Variants in CLDN10 observed in about 807,000 individuals in gnomAD.
CLDN10 encodes the protein claudin-10.
CLDN10 carries 15 observed loss-of-function variants against 22.9 expected under a neutral mutation model. The observed-to-expected ratio is 0.65, with a 90% confidence interval of 0.44 to 1.01. The LOEUF (loss-of-function observed/expected upper bound fraction) is 1.01, where lower values mean the gene tolerates loss of function less well. Among genes scored for constraint, CLDN10 ranks in the 50% least tolerant of loss-of-function variants. The probability of loss-of-function intolerance (pLI) is 0.00; values close to 1 mark genes in which losing one functional copy is unlikely to be tolerated. For synonymous variants in CLDN10, 114 were observed against 111.4 expected (o/e 1.02, Z -0.15); for missense variants, 247 against 287.8 (o/e 0.86, Z 1.03).
chr13:95,541,026 T>C (rs1174003701), intron 1 of CLDN10, among the ~76,000 whole-genome samples: 1 of 152,252 alleles, frequency 6.6e-6, no homozygotes, highest in East Asian at 1.9e-4. Flanking sequence ...CGTGGCCCAG[T>C]GGCCCAGGGC....
chr13:95,553,090 C>G lies in CLDN10; in HGVS notation c.220+117C>G. The G allele has an allele frequency of 2.2e-6, 3 of 1,364,798 alleles. No individual in the cohort carries two copies. In the East Asian group the frequency reaches 7.5e-5, roughly 34 times the overall value. 84.5% of individuals were successfully genotyped at this position (1,364,798 alleles called of 1,614,324 possible). A position where few individuals can be genotyped will look rare whatever the true frequency, so the allele number is the denominator to read the frequency against. On this transcript the variant is annotated intron_variant, in intron 1 of 4. Coordinates refer to ENST00000299339, the MANE Select transcript of CLDN10 (RefSeq NM_006984.5). ...CCCTAGACTGGACTCCTCTGAGGCC[C>G]GACCCGTCTCTCCCAACAGGGCCTT...
chr13:95,489,621 T>C (rs2042847732), intron 1 of CLDN10, among the ~76,000 whole-genome samples: 2 of 152,224 alleles, frequency 1.3e-5, no homozygotes, highest in Non-Finnish European at 2.9e-5. Context: ...ATATTAGTCC[T>C]TTGTCAGATG....
intron 1 of CLDN10, among the ~76,000 whole-genome samples, chr13:95,487,667 T>C (rs2042818781): frequency 6.6e-6 from 1 of 152,190 alleles, no homozygotes; most frequent in Admixed American, 6.5e-5. Context: ...CCTATGGTTC[T>C]AAGTTTTTCT....
chr13:95,453,869 C>T (rs1195384657), intron 1 of CLDN10, among the ~76,000 whole-genome samples: 2 of 152,120 alleles, frequency 1.3e-5, no homozygotes, highest in African/African-American at 4.8e-5. Flanking sequence ...AATCCCAGCA[C>T]TCTGGGAGGC....
intron 1 of CLDN10, among the ~76,000 whole-genome samples, chr13:95,546,298 GCTGGCACATTGAAA>G (rs2043508727): frequency 6.6e-6 from 1 of 152,060 alleles, no homozygotes; most frequent in Non-Finnish European, 1.5e-5. Flanking sequence ...CTAGAACTGA[GCTGGCACATTGAAA>G]CCTCACCTCC....
intron 1 of CLDN10, among the ~76,000 whole-genome samples, chr13:95,458,487 G>A (rs968156281): frequency 2.0e-5 from 3 of 152,324 alleles, no homozygotes; most frequent in Admixed American, 2.0e-4. Flanking sequence ...ATGGTGGAAG[G>A]TGAAGGGGAA....
chr13:95,495,743 C>CAAAAAAAAAAAAAAAAA (rs71722865), intron 1 of CLDN10, among the ~76,000 whole-genome samples: 1 of 85,724 alleles, frequency 1.2e-5, no homozygotes, highest in African/African-American at 4.6e-5. Flanking sequence ...GACTCCACCT[C>CAAAAAAAAAAAAAAAAA]AAAAAAAAAA....
At chr13:95,435,894 G>C (rs2042264677) in intron 1 of CLDN10, among the ~76,000 whole-genome samples, 1 of 151,490 alleles carries the variant, frequency 6.6e-6, no homozygotes, top group African/African-American at 2.4e-5. Context: ...GAGCTCAAGA[G>C]AGTCACCTGT....
At chr13:95,470,476 C>A (rs928357957) in intron 1 of CLDN10, among the ~76,000 whole-genome samples, 1 of 152,054 alleles carries the variant, frequency 6.6e-6, no homozygotes, top group Non-Finnish European at 1.5e-5. Context: ...GTTTGGGGAG[C>A]GAGTAGTAAC....
chr13:95,523,691 C>T (rs1416524691), intron 1 of CLDN10, among the ~76,000 whole-genome samples: 8 of 152,186 alleles, frequency 5.3e-5, no homozygotes, highest in African/African-American at 1.9e-4. Flanking sequence ...ATTCTCCTGC[C>T]TCAGCCTCCT....
chr13:95,574,697 G>A (rs1277763683), intron 3 of CLDN10, among the ~76,000 whole-genome samples: 1 of 152,122 alleles, frequency 6.6e-6, no homozygotes, highest in Non-Finnish European at 1.5e-5. Context: ...TTGAACTCGG[G>A]AGGTGGAGGT....
chr13:95,450,046 A>C (rs118115562), intron 1 of CLDN10, among the ~76,000 whole-genome samples: 12,498 of 151,650 alleles, frequency 0.082, 758 homozygotes, highest in South Asian at 0.22. Context: ...CCGGCCTTAA[A>C]ATTTTTTTGT....
At chr13:95,489,571 AT>A (rs1334512394) in intron 1 of CLDN10, among the ~76,000 whole-genome samples, 8 of 150,934 alleles carry the variant, frequency 5.3e-5, no homozygotes, top group Admixed American at 1.3e-4. Context: ...TTTTGATGGG[AT>A]TTTTTTTCTT....
chr13:95,493,218 C>T (rs1252959765), intron 1 of CLDN10, among the ~76,000 whole-genome samples: 2 of 152,158 alleles, frequency 1.3e-5, no homozygotes, highest in Non-Finnish European at 2.9e-5. Context: ...CCTCAGGTAC[C>T]TTCCCTGCCC....
rs1261782767 is a variant in CLDN10 at position 95,471,959 on chromosome 13, TTTTTTG to T, written c.214+37913_214+37918del. On this transcript the variant is annotated intron_variant, in intron 1 of 4. Coordinates refer to the CLDN10 transcript ENST00000376873. The stretch of plus-strand genomic sequence containing the variant: ...CTCAGCTATTTTTTTTTTTTTTTTT[TTTTTTG>T]GTAGAGATAGAGTCTGCTTTATTGC... Among the ~76,000 whole-genome samples, 316 of 75,508 alleles carry T rather than the reference TTTTTTG, an allele frequency of 4.2e-3. 1 individual carries two copies. The highest frequency in any genetic ancestry group is 8.5e-3 in the Non-Finnish European group (230 of 27,180). 49.5% of individuals were successfully genotyped at this position (75,508 alleles called of 152,430 possible).
chr13:95,526,158 G>T (rs12876487), intron 1 of CLDN10, among the ~76,000 whole-genome samples: 14,652 of 151,932 alleles, frequency 0.096, 871 homozygotes, highest in Middle Eastern at 0.13. Flanking sequence ...CTTTAGCTGT[G>T]CTTATCTCAT....
chr13:95,559,962 C>A (rs997670323), intron 1 of CLDN10, among the ~76,000 whole-genome samples, 170 bp from the exon 2 acceptor site: 10 of 152,216 alleles, frequency 6.6e-5, no homozygotes, highest in African/African-American at 2.4e-4. Context: ...CTAGAATAGG[C>A]ACTCCCTGTA....
intron 1 of CLDN10, among the ~76,000 whole-genome samples, chr13:95,480,794 A>G (rs538911032): frequency 4.4e-4 from 67 of 152,382 alleles, no homozygotes; most frequent in African/African-American, 1.5e-3. Context: ...CACGCTATTC[A>G]CATTCAAGAG....
At chr13:95,577,196 G>A (rs779127315) in intron 3 of CLDN10, 35 bp from the exon 4 acceptor site, 5 of 1,387,756 alleles carry the variant, frequency 3.6e-6, no homozygotes, top group Admixed American at 3.4e-5. Flanking sequence ...CTCCAAATAA[G>A]TGAGCTGTAA....
Sources: allele counts gnomAD v4.1 joint callset (sites outside exome capture counted in the v4.1 genomes callset), GRCh38; gene constraint gnomAD v4.1.1; transcripts MANE v1.5; gene names NCBI Gene and HGNC (gene_info 2026-07-23, HGNC 2026-07-21).